KDM7A: variants seen among roughly 807,000 people sequenced by gnomAD.
The protein encoded by KDM7A is lysine demethylase 7A, also known as lysine-specific demethylase 7A.
KDM7A carries 28 observed loss-of-function variants against 114.8 expected under a neutral mutation model. The ratio of observed to expected loss-of-function variants is 0.24; its 90% CI spans 0.18 to 0.33. The LOEUF is 0.33. Ranked by LOEUF, KDM7A falls within the 10% of genes least tolerant of loss-of-function variation. The pLI is 1.00. For missense variants in KDM7A, 942 were observed against 1,142.5 expected, an observed-to-expected ratio of 0.82 and a Z score of 2.53; for synonymous variants, 423 against 397.8, an observed-to-expected ratio of 1.06 and a Z score of -0.75.
chr7:140,123,860 A>G (rs1585150806), intron 7 of KDM7A, among the ~76,000 whole-genome samples: 3 of 152,234 alleles, frequency 2.0e-5, no homozygotes, highest in Admixed American at 2.0e-4. Flanking sequence ...TCACGAGGTC[A>G]GGAGATTGAG....
intron 9 of KDM7A, 66 bp from the exon 10 acceptor site, chr7:140,113,648 C>T (rs1818468090): frequency 1.2e-6 from 1 of 807,416 alleles, no homozygotes; most frequent in Admixed American, 2.4e-5. Flanking sequence ...AAGGGATTAA[C>T]TTCAGATTTT....
intron 1 of KDM7A, among the ~76,000 whole-genome samples, chr7:140,147,854 T>A (rs1794355489): frequency 6.6e-6 from 1 of 152,208 alleles, no homozygotes; most frequent in South Asian, 2.1e-4. Context: ...ATTGTAGAAT[T>A]AGAAAGACTT....
At position 140,091,785 on chromosome 7, in the gene KDM7A, A is replaced by G. The variant is rs935621270; in HGVS notation, c.2731+19T>C. The G allele has an allele frequency of 1.9e-6, 3 of 1,608,584 alleles. No individual in the cohort carries two copies. Among genetic ancestry groups the G allele is most frequent in the African/African-American group, 1.3e-5 (1 of 74,470 alleles). ...ATACAGTCAGAAATATACTTTCTCT[A>G]TACATGTGTGAAAGTTACCTTTTGT... On this transcript the variant is annotated intron_variant, in intron 19 of 19. Transcript: ENST00000397560.
intron 1 of KDM7A, among the ~76,000 whole-genome samples, chr7:140,172,632 G>C (rs1218861194): frequency 6.6e-6 from 1 of 151,302 alleles, no homozygotes; most frequent in African/African-American, 2.4e-5. Flanking sequence ...CAGCCTGGGC[G>C]ACAGAGCGAA....
At chr7:140,145,792 A>G (rs532241236) in intron 1 of KDM7A, among the ~76,000 whole-genome samples, 13 of 152,168 alleles carry the variant, frequency 8.5e-5, no homozygotes, top group Non-Finnish European at 1.8e-4. Context: ...TGTGACACCA[A>G]AAGAATTAGA....
chr7:140,146,710 T>C (rs1032029037), intron 1 of KDM7A, among the ~76,000 whole-genome samples: 1 of 152,214 alleles, frequency 6.6e-6, no homozygotes, highest in Non-Finnish European at 1.5e-5. Flanking sequence ...CTTCCATCTA[T>C]AGAACAGCCT....
intron 17 of KDM7A, among the ~76,000 whole-genome samples, chr7:140,095,210 A>G (rs531614823): frequency 3.9e-5 from 6 of 152,318 alleles, no homozygotes; most frequent in African/African-American, 1.2e-4. Context: ...AATTCTCTAT[A>G]AAAATGGTAT....
chr7:140,108,053 C>T (rs550305088), intron 11 of KDM7A, among the ~76,000 whole-genome samples: 1 of 152,172 alleles, frequency 6.6e-6, no homozygotes. Flanking sequence ...CTTTCTTCCA[C>T]TTGATCAAAT....
intron 9 of KDM7A, among the ~76,000 whole-genome samples, chr7:140,117,408 T>G (rs762661288): frequency 1.3e-5 from 2 of 151,884 alleles, no homozygotes; most frequent in African/African-American, 4.8e-5. Flanking sequence ...AGTTAAAGAA[T>G]GAGCTTCTCT....
chr7:140,175,568 A>AC (rs1794693704), intron 1 of KDM7A, among the ~76,000 whole-genome samples: 1 of 152,170 alleles, frequency 6.6e-6, no homozygotes, highest in African/African-American at 2.4e-5. Context: ...TGGGAGCCCA[A>AC]CCCCAACTAG....
chr7:140,132,264 T>C (rs1818800363), intron 3 of KDM7A, among the ~76,000 whole-genome samples: 1 of 152,198 alleles, frequency 6.6e-6, no homozygotes, highest in East Asian at 1.9e-4. Context: ...GAACTAATGG[T>C]AATTACATTT....
intron 11 of KDM7A, among the ~76,000 whole-genome samples, chr7:140,102,502 C>CCT (rs1454288793): frequency 6.6e-6 from 1 of 152,168 alleles, no homozygotes; most frequent in Non-Finnish European, 1.5e-5. Flanking sequence ...CCTACCTTAG[C>CCT]CTCCCAAGTA....
intron 1 of KDM7A, among the ~76,000 whole-genome samples, chr7:140,155,070 C>T (rs943456703): frequency 6.6e-6 from 1 of 152,118 alleles, no homozygotes; most frequent in African/African-American, 2.4e-5. Flanking sequence ...TACATATGAA[C>T]CAAAGAAGTC....
intron 4 of KDM7A, among the ~76,000 whole-genome samples, chr7:140,128,701 T>A (rs1818743923): frequency 2.6e-5 from 4 of 152,214 alleles, no homozygotes. Context: ...AATGGCTCGA[T>A]AAAGGGACAA....
chr7:140,092,850 T>C (rs1007596008), intron 18 of KDM7A, among the ~76,000 whole-genome samples: 1 of 152,226 alleles, frequency 6.6e-6, no homozygotes, highest in Admixed American at 6.5e-5. Context: ...CCTATAGTGC[T>C]AGTAAGTGAT....
rs1310980237 is a variant in KDM7A at position 140,088,216 on chromosome 7, T to G, written c.*2878A>C. 9.9e-6 allele frequency: 3 copies of G among 301,522 alleles called. No individual in the cohort carries two copies. The allele number at this position is 301,522 out of a possible 1,614,324, so 18.7% of individuals were successfully genotyped here. ...TGATACTTATGAAGTTCAATGTATT[T>G]CTAGGATACTGAACTACTACAAACT... On this transcript the variant is annotated 3_prime_UTR_variant, in exon 20 of 20. Coordinates refer to ENST00000397560, the MANE Select transcript of KDM7A (RefSeq NM_030647.2).
intron 14 of KDM7A, among the ~76,000 whole-genome samples, chr7:140,098,212 C>A (rs1339518474): frequency 1.3e-5 from 2 of 152,156 alleles, no homozygotes; most frequent in Non-Finnish European, 2.9e-5. Context: ...GGGTGTTCAA[C>A]ATGGATTAAA....
chr7:140,114,582 G>A (rs1818486496), intron 9 of KDM7A, among the ~76,000 whole-genome samples: 1 of 152,220 alleles, frequency 6.6e-6, no homozygotes, highest in Non-Finnish European at 1.5e-5. Flanking sequence ...CCTCTGCCCA[G>A]CCGCCACCCC....
chr7:140,148,277 A>G (rs1280691919), intron 1 of KDM7A, among the ~76,000 whole-genome samples: 2 of 151,848 alleles, frequency 1.3e-5, no homozygotes, highest in African/African-American at 4.8e-5. Context: ...TAGATGGTGG[A>G]GTTGAGAAAA....
Sources: gnomAD v4.1 joint callset for allele counts (sites outside exome capture counted in the v4.1 genomes callset) on GRCh38, gnomAD v4.1.1 for gene constraint, MANE v1.5 for transcripts, NCBI Gene and HGNC (gene_info 2026-07-23, HGNC 2026-07-21) for gene names.